Variants in SH3PXD2A observed in about 807,000 individuals in gnomAD.
SH3PXD2A encodes SH3 and PX domain-containing protein 2A.
Under a neutral mutation model 115.2 loss-of-function variants are expected in SH3PXD2A, and 32 were observed. That is an observed-to-expected ratio of 0.28 (90% CI 0.21 to 0.37). The LOEUF is 0.37. Ranked by LOEUF, SH3PXD2A falls within the 10% of genes least tolerant of loss-of-function variation. The probability of loss-of-function intolerance (pLI) is 1.00; values close to 1 mark genes in which losing one functional copy is unlikely to be tolerated. For missense variants in SH3PXD2A, 1,328 were observed against 1,498.7 expected (o/e 0.89, Z 1.88); for synonymous variants, 610 against 629.1 (o/e 0.97, Z 0.45).
At chr10:103,726,414 C>T (rs2038242675) in intron 4 of SH3PXD2A, among the ~76,000 whole-genome samples, 1 of 152,150 alleles carries the variant, frequency 6.6e-6, no homozygotes, top group Admixed American at 6.5e-5. Context: ...GACAGAGGTG[C>T]AGGGAGACAT....
chr10:103,612,514 C>T (rs1212448591), intron 12 of SH3PXD2A, among the ~76,000 whole-genome samples: 1 of 152,200 alleles, frequency 6.6e-6, no homozygotes, highest in Non-Finnish European at 1.5e-5. Flanking sequence ...AAAGCCTTTA[C>T]CATAAGGAAA....
At chr10:103,647,022 G>A (rs1325599628) in intron 8 of SH3PXD2A, among the ~76,000 whole-genome samples, 1 of 151,900 alleles carries the variant, frequency 6.6e-6, no homozygotes, top group African/African-American at 2.4e-5. Context: ...CCTCTATGGG[G>A]AGGTCTAGAC....
At chr10:103,718,325 G>A (rs975539049) in intron 5 of SH3PXD2A, among the ~76,000 whole-genome samples, 2 of 152,182 alleles carry the variant, frequency 1.3e-5, no homozygotes, top group African/African-American at 2.4e-5. Flanking sequence ...CCAAGGGCAT[G>A]TCTTTATCTG....
intron 2 of SH3PXD2A, among the ~76,000 whole-genome samples, chr10:103,781,419 G>A (rs1201162814): frequency 1.3e-5 from 2 of 152,170 alleles, no homozygotes; most frequent in Non-Finnish European, 2.9e-5. Flanking sequence ...AGCTGGGGGA[G>A]TCTGAGTTCC....
At position 103,737,994 on chromosome 10, in the gene SH3PXD2A, C is replaced by T. The variant is rs1185209336; in HGVS notation, c.230-2186G>A. 2.0e-5 allele frequency among the ~76,000 whole-genome samples: 3 copies of T among 152,222 alleles called. No individual in the cohort carries two copies. The East Asian group carries it at 5.8e-4, about 29-fold the overall frequency. On this transcript the variant is annotated intron_variant, in intron 3 of 14. Coordinates refer to ENST00000369774, the MANE Select transcript of SH3PXD2A (RefSeq NM_001394015.1). ...AGCTCACCCCTCCTGTCTGCCCCCA[C>T]ACTACATGGAGCACTAGGCTTTGCA...
At chr10:103,684,124 G>A (rs1000067259) in intron 6 of SH3PXD2A, among the ~76,000 whole-genome samples, 4 of 152,132 alleles carry the variant, frequency 2.6e-5, no homozygotes, top group African/African-American at 9.7e-5. Flanking sequence ...TTTACCTTGC[G>A]GGGAAGGGAG....
At chr10:103,617,069 C>A in intron 11 of SH3PXD2A, 128 bp downstream of exon 11, 1 of 706,324 alleles carries the variant, frequency 1.4e-6, no homozygotes, top group South Asian at 1.6e-5. Flanking sequence ...GTGCAGCAGC[C>A]CAGCCCTGTG....
chr10:103,693,113 T>A (rs1273956556), intron 5 of SH3PXD2A, 57 bp from the exon 6 acceptor site: 11 of 1,520,114 alleles, frequency 7.2e-6, no homozygotes, highest in Non-Finnish European at 9.1e-6. Context: ...AGCGCGGGGC[T>A]GCAGCTGCAG....
At chr10:103,719,320 T>A (rs547389719) in intron 5 of SH3PXD2A, among the ~76,000 whole-genome samples, 1 of 152,328 alleles carries the variant, frequency 6.6e-6, no homozygotes, top group East Asian at 1.9e-4. Flanking sequence ...AGGGCTGTGG[T>A]TAGAACCGTA....
chr10:103,773,216 C>T (rs112995165), intron 2 of SH3PXD2A, among the ~76,000 whole-genome samples: 21,905 of 136,392 alleles, frequency 0.16, 1,907 homozygotes, highest in East Asian at 0.31. Flanking sequence ...AAGAGTGAAA[C>T]TCTGTCTCAA....
At chr10:103,767,813 T>TTTTTG in intron 2 of SH3PXD2A, among the ~76,000 whole-genome samples, 1 of 100,942 alleles carries the variant, frequency 9.9e-6, no homozygotes, top group Non-Finnish European at 1.9e-5. Context: ...CTGTTTTGTT[T>TTTTTG]TTTTTTTTTT....
At chr10:103,795,804 T>C (rs546442424) in intron 2 of SH3PXD2A, among the ~76,000 whole-genome samples, 43 of 151,124 alleles carry the variant, frequency 2.8e-4, no homozygotes, top group African/African-American at 1.0e-3. Context: ...GTCCCAGAGC[T>C]GGCACACCGC....
chr10:103,636,411 GAAAA>G (rs555359998), intron 8 of SH3PXD2A, among the ~76,000 whole-genome samples: 2 of 91,152 alleles, frequency 2.2e-5, no homozygotes, highest in African/African-American at 7.1e-5. Context: ...TCCATCTTAA[GAAAA>G]AAAAAAAAAA....
At chr10:103,700,288 T>C (rs2037876871) in intron 5 of SH3PXD2A, among the ~76,000 whole-genome samples, 1 of 152,232 alleles carries the variant, frequency 6.6e-6, no homozygotes, top group South Asian at 2.1e-4. Context: ...GGGGTTAAAA[T>C]AGTTGCTATC....
At chr10:103,641,897 A>G (rs779225440) in intron 8 of SH3PXD2A, among the ~76,000 whole-genome samples, 1 of 152,148 alleles carries the variant, frequency 6.6e-6, no homozygotes, top group East Asian at 1.9e-4. Flanking sequence ...CTTTCCCCAA[A>G]CCTCAGGTAT....
intron 3 of SH3PXD2A, chr10:103,753,733 G>A (rs2038607512): frequency 6.6e-6 from 1 of 152,156 alleles, no homozygotes; most frequent in Non-Finnish European, 1.5e-5. Context: ...ATAAGTAGTA[G>A]CTATAATCCT....
chr10:103,759,503 G>A (rs1411557957), intron 3 of SH3PXD2A, among the ~76,000 whole-genome samples: 1 of 152,248 alleles, frequency 6.6e-6, no homozygotes, highest in Non-Finnish European at 1.5e-5. Context: ...GTGCCAGCCA[G>A]TACAGAGACA....
intron 6 of SH3PXD2A, among the ~76,000 whole-genome samples, chr10:103,681,128 A>C (rs1254646172): frequency 6.6e-6 from 1 of 152,230 alleles, no homozygotes; most frequent in Non-Finnish European, 1.5e-5. Flanking sequence ...AACCTTCTGG[A>C]AATGAAAGGC....
At chr10:103,716,421 T>C (rs945224458) in intron 5 of SH3PXD2A, among the ~76,000 whole-genome samples, 3 of 152,198 alleles carry the variant, frequency 2.0e-5, no homozygotes, top group African/African-American at 7.2e-5. Flanking sequence ...ATTGTTCTAC[T>C]GTACAACAGA....
Sources: gnomAD v4.1 joint callset for allele counts (sites outside exome capture counted in the v4.1 genomes callset) on GRCh38, gnomAD v4.1.1 for gene constraint, MANE v1.5 for transcripts, NCBI Gene and HGNC (gene_info 2026-07-23, HGNC 2026-07-21) for gene names.